CNTNAP3B: variants seen among roughly 807,000 people sequenced by gnomAD.
The protein encoded by CNTNAP3B is contactin-associated protein-like 3B.
CNTNAP3B carries 25 observed loss-of-function variants against 108.9 expected under a neutral mutation model. The ratio of observed to expected loss-of-function variants is 0.23; its 90% CI spans 0.17 to 0.32. The LOEUF (loss-of-function observed/expected upper bound fraction) is 0.32. Ranked by LOEUF, CNTNAP3B falls within the 10% of genes least tolerant of loss-of-function variation. The probability of loss-of-function intolerance (pLI) is 1.00; values close to 1 mark genes in which losing one functional copy is unlikely to be tolerated. For missense variants in CNTNAP3B, 252 were observed against 1,210.4 expected (o/e 0.21, Z 11.75); for synonymous variants, 103 against 473.4 (o/e 0.22, Z 10.16).
At chr9:41,944,512 G>T (rs928743438) in intron 13 of CNTNAP3B, among the ~76,000 whole-genome samples, 2 of 152,284 alleles carry the variant, frequency 1.3e-5, no homozygotes, top group African/African-American at 4.8e-5. Context: ...ATACTCAAAG[G>T]CTACCACTAA....
At chr9:42,047,676 C>CT (rs1826899191) in intron 3 of CNTNAP3B, among the ~76,000 whole-genome samples, 229 of 17,176 alleles carry the variant, frequency 0.013, 14 homozygotes, top group Non-Finnish European at 0.027. Context: ...CTGCCCCTTC[C>CT]TCCCTTCCTT....
intron 11 of CNTNAP3B, among the ~76,000 whole-genome samples, chr9:41,964,017 G>T (rs567678667): frequency 1.8e-4 from 27 of 152,102 alleles, no homozygotes; most frequent in African/African-American, 6.3e-4. Context: ...AGATCTTAAA[G>T]GTCCTCTAGT....
chr9:41,947,250 G>T (rs1195784682), intron 13 of CNTNAP3B, among the ~76,000 whole-genome samples: 1 of 151,690 alleles, frequency 6.6e-6, no homozygotes, highest in Non-Finnish European at 1.5e-5. Flanking sequence ...TTACAAGACA[G>T]ACCATATCCC....
intron 17 of CNTNAP3B, 138 bp downstream of exon 17, chr9:41,922,539 C>A: frequency 6.6e-6 from 6 of 911,352 alleles, no homozygotes; most frequent in South Asian, 6.5e-5. Flanking sequence ...GCTCCTGGAA[C>A]CTACCAGGTT....
At chr9:42,060,004 G>T (rs1161559907) in intron 3 of CNTNAP3B, among the ~76,000 whole-genome samples, 1 of 151,232 alleles carries the variant, frequency 6.6e-6, no homozygotes, top group South Asian at 2.1e-4. Flanking sequence ...CTTCAAATTT[G>T]GATTTTTTTT....
At chr9:42,117,826 A>G (rs1364752947) in intron 1 of CNTNAP3B, among the ~76,000 whole-genome samples, 8 of 138,932 alleles carry the variant, frequency 5.8e-5, no homozygotes, top group Non-Finnish European at 1.1e-4. Context: ...TAGAAACAAT[A>G]AAAAATGACA....
chr9:42,098,946 C>T (rs1258614494), intron 2 of CNTNAP3B, among the ~76,000 whole-genome samples: 2 of 135,210 alleles, frequency 1.5e-5, no homozygotes, highest in Admixed American at 7.4e-5. Context: ...CAAATGCTTA[C>T]CTGCCCACAT....
In CNTNAP3B at chr9:42,096,185, C is replaced by A. The variant is rs1385751119; in HGVS notation, c.196+8444G>T. On this transcript the variant is annotated intron_variant, in intron 2 of 23. Transcript: ENST00000377561. The stretch of plus-strand genomic sequence containing the variant: ...GGCTGCTCTTGGAGACTGGCGTTCT[C>A]CTTTCCACTACACACTTGAGAGTGC... Among the ~76,000 whole-genome samples, 30 of 139,256 alleles carry A rather than the reference C, an allele frequency of 2.2e-4. 7 individuals carry two copies. The highest frequency in any genetic ancestry group is 8.6e-4 in the African/African-American group (30 of 35,084). The allele number at this position is 139,256 out of a possible 152,430, so 91.4% of individuals were successfully genotyped here.
intron 13 of CNTNAP3B, among the ~76,000 whole-genome samples, chr9:41,944,899 C>T (rs1185973953): frequency 6.6e-6 from 1 of 152,284 alleles, no homozygotes; most frequent in African/African-American, 2.4e-5. Flanking sequence ...CCAGAATCTA[C>T]ACAGAACTTA....
At position 42,087,523 on chromosome 9, in the gene CNTNAP3B, C is replaced by T. The variant is rs1209363588; in HGVS notation, c.197-10461G>A. On this transcript the variant is annotated intron_variant, in intron 2 of 23. Coordinates refer to ENST00000377561, the MANE Select transcript of CNTNAP3B (RefSeq NM_001201380.3). Reference sequence around the variant, plus strand: ...GTCTGCTATGAGTGTAATATTCATACGTGCCCTATTGCATTGCCCCTGTGG... The same window carrying T: ...GTCTGCTATGAGTGTAATATTCATATGTGCCCTATTGCATTGCCCCTGTGG... Among the ~76,000 whole-genome samples the T allele has an allele frequency of 4.9e-5, 7 of 142,558 alleles. No individual in the cohort carries two copies. The South Asian group carries it at 1.4e-3, about 29-fold the overall frequency. 93.5% of individuals were successfully genotyped at this position (142,558 alleles called of 152,430 possible).
chr9:41,921,814 A>G (rs2117951012), intron 17 of CNTNAP3B, among the ~76,000 whole-genome samples: 1 of 150,028 alleles, frequency 6.7e-6, no homozygotes, highest in African/African-American at 2.5e-5. Context: ...GCAGCGAGGA[A>G]AACCGGGAGT....
Position 42,056,615 on chromosome 9 carries a change from G to T in CNTNAP3B, c.390+20254C>A, listed in dbSNP as rs1209352380. Among the ~76,000 whole-genome samples the T allele has an allele frequency of 5.3e-4, 73 of 138,320 alleles. 10 individuals are homozygous for T. The highest frequency in any genetic ancestry group is 9.6e-4 in the Non-Finnish European group (62 of 64,742). 90.7% of individuals were successfully genotyped at this position (138,320 alleles called of 152,430 possible). On this transcript the variant is annotated intron_variant, in intron 3 of 23. Transcript: ENST00000377561. ...TCTGCCCACCTCGGCCTTCCAAAGT[G>T]CTGGGATTACGGGTGTGAGCCACCG...
intron 15 of CNTNAP3B, among the ~76,000 whole-genome samples, 157 bp downstream of exon 15, chr9:41,929,160 C>T (rs1334719378): frequency 6.6e-6 from 1 of 150,500 alleles, no homozygotes. Flanking sequence ...ATCTTCAGTA[C>T]TGACTGTGCC....
chr9:42,078,962 A>G, intron 2 of CNTNAP3B, among the ~76,000 whole-genome samples: 1 of 151,048 alleles, frequency 6.6e-6, no homozygotes, highest in East Asian at 1.9e-4. Flanking sequence ...ACTCTAGGTC[A>G]GGCAAAGAGT....
intron 3 of CNTNAP3B, among the ~76,000 whole-genome samples, chr9:42,051,812 TG>T (rs1453050003): frequency 6.6e-6 from 1 of 152,102 alleles, no homozygotes; most frequent in African/African-American, 2.4e-5. Context: ...CAGTAATTTT[TG>T]CAAACTTCCT....
chr9:42,117,037 G>A (rs1183499909), intron 1 of CNTNAP3B, among the ~76,000 whole-genome samples: 1 of 138,862 alleles, frequency 7.2e-6, no homozygotes, highest in Non-Finnish European at 1.5e-5. Flanking sequence ...AGTCCTTAGA[G>A]GTGTACAAAC....
At chr9:42,087,795 G>A (rs1352552020) in intron 2 of CNTNAP3B, among the ~76,000 whole-genome samples, 1 of 136,198 alleles carries the variant, frequency 7.3e-6, no homozygotes, top group Non-Finnish European at 1.6e-5. Flanking sequence ...CATGTTCAAG[G>A]GCTTTTGAAA....
At chr9:41,940,550 T>G (rs1257865625) in intron 13 of CNTNAP3B, among the ~76,000 whole-genome samples, 3 of 152,404 alleles carry the variant, frequency 2.0e-5, no homozygotes, top group East Asian at 1.9e-4. Context: ...CCGGGTGCGG[T>G]GGCTCACGCC....
intron 3 of CNTNAP3B, among the ~76,000 whole-genome samples, chr9:42,070,311 G>A (rs1229741474): frequency 6.7e-6 from 1 of 150,070 alleles, no homozygotes; most frequent in Non-Finnish European, 1.5e-5. Context: ...CGAAGATGGA[G>A]AGATACAGAA....
Sources: allele counts gnomAD v4.1 joint callset (sites outside exome capture counted in the v4.1 genomes callset), GRCh38; gene constraint gnomAD v4.1.1; transcripts MANE v1.5; gene names NCBI Gene and HGNC (gene_info 2026-07-23, HGNC 2026-07-21).